Variants in CELSR3 observed in about 807,000 individuals in gnomAD.
The protein encoded by CELSR3 is cadherin EGF LAG seven-pass G-type receptor 3, also known as EGF-like protein 1.
A neutral mutation model predicts 270.0 loss-of-function variants in CELSR3; 73 were observed. The observed-to-expected ratio is 0.27, with a 90% CI of 0.22 to 0.33. The LOEUF is 0.33. Among genes scored for constraint, CELSR3 ranks in the 10% least tolerant of loss-of-function variants. The pLI is 1.00. For missense variants in CELSR3, 3,614 were observed against 4,533.8 expected (o/e 0.80, Z 5.83); for synonymous variants, 1,780 against 1,905.4 (o/e 0.93, Z 1.71).
At position 48,648,776 on chromosome 3, in the gene CELSR3, G is replaced by A. The variant is rs368552105; in HGVS notation, c.6720C>T (p.Phe2240=). 28 of 1,612,930 alleles carry A rather than the reference G, an allele frequency of 1.7e-5. No homozygotes were observed. Among genetic ancestry groups the A allele is most frequent in the Middle Eastern group, 1.7e-4 (1 of 6,052 alleles). The part of the protein sequence containing the change: ...TARLLAHLLA[F]ESHQQGFGLT... ...GCCCGAAGCCCTGCTGATGGCTCTC[G>A]AAGGCCAGCAGGTGGGCCAGCAGGC... Residue 2240 remains phenylalanine (F), a synonymous_variant, in exon 18 of 35, where the codon TTC becomes TTT. Transcript: ENST00000164024.
rs1320063556 is a variant in CELSR3, at chr3:48,661,886, C to A, written c.749G>T (p.Arg250Leu). ...GSGPELDSAP[R>L]TARTAPASGS... is the part of the protein sequence containing the mutation. Reference sequence around the variant, plus strand: ...TGATGCAGGAGCTGTCCTCGCCGTGCGTGGTGCTGAATCCAGCTCGGGGCC... The same window carrying A: ...TGATGCAGGAGCTGTCCTCGCCGTGAGTGGTGCTGAATCCAGCTCGGGGCC... The change falls in exon 1 of 35, where the codon CGC becomes CTC. Residue 250 changes from arginine (R) to leucine (L), a missense_variant. By Grantham distance (102) the Arg-to-Leu change is moderately radical. Transcript: ENST00000164024. The A allele has an allele frequency of 1.2e-6, 2 of 1,611,360 alleles. No homozygotes were observed. Among genetic ancestry groups the A allele is most frequent in the Admixed American group, 1.7e-5 (1 of 59,960 alleles).
chr3:48,650,845 C>T lies in CELSR3; in HGVS notation c.6370+47G>A. On this transcript the variant is annotated intron_variant, in intron 15 of 34. Coordinates refer to ENST00000164024, the MANE Select transcript of CELSR3 (RefSeq NM_001407.3). This position sits in a 1 kb window ranked among gnomAD's most constrained non-coding sequence, Gnocchi z 5.1. ...GTGCCACTGACACGTGATGGTGGCACACTGGAACCAGCCCTCTATGGGTGG... is the reference window on the plus strand; with the variant it reads ...GTGCCACTGACACGTGATGGTGGCATACTGGAACCAGCCCTCTATGGGTGG... 6.3e-7 allele frequency: 1 copy of T among 1,581,526 alleles called. No homozygotes were observed. The highest frequency in any genetic ancestry group is 8.6e-7 in the Non-Finnish European group (1 of 1,164,410).
Position 48,659,020 on chromosome 3 carries a change from G to T in CELSR3, c.3615C>A (p.His1205Gln), listed in dbSNP as rs200825075. The T allele has an allele frequency of 6.2e-7, 1 of 1,614,216 alleles. No homozygotes were observed. Among genetic ancestry groups the T allele is most frequent in the East Asian group, 2.2e-5 (1 of 44,884 alleles). Residue 1205 changes from histidine (H) to glutamine (Q), a missense_variant, in exon 1 of 35, where the codon CAC (histidine) becomes CAA (glutamine). Transcript: ENST00000164024. The surrounding 1 kb of genome is among the most constrained non-coding windows in gnomAD (Gnocchi z 8.1). Reference sequence around the variant, plus strand: ...TGCCACGCTCAAAGGAGTAGAAGAGGTGGTCGGAGACATCGGGGTCATAAG... The same window carrying T: ...TGCCACGCTCAAAGGAGTAGAAGAGTTGGTCGGAGACATCGGGGTCATAAG... The part of the protein sequence containing the change: ...IPAYDPDVSD[H>Q]LFYSFERGNE...
At position 48,640,341 on chromosome 3, in the gene CELSR3, G is replaced by A. The variant is rs760477755; in HGVS notation, c.9244C>T (p.Arg3082Cys). ...GCAGGGGCTTCCTCTAGTCGCTCAC[G>A]GCTCAGTTGCCGCCGGAGGAGCAGG... ...LDLLLRRQLSRERLEEAPAPV... is the reference protein window; with the variant it reads ...LDLLLRRQLSCERLEEAPAPV... The change falls in exon 34 of 35, where the codon CGT (arginine) becomes TGT (cysteine). Residue 3082 changes from arginine to cysteine, a missense_variant. Physicochemically the swap from Arg to Cys is radical, Grantham distance 180. Transcript: ENST00000164024. This position sits in a 1 kb window ranked among gnomAD's most constrained non-coding sequence, Gnocchi z 7.5. The A allele has an allele frequency of 2.4e-5, 39 of 1,612,484 alleles. No homozygotes were observed. The highest frequency in any genetic ancestry group is 3.3e-5 in the Non-Finnish European group (39 of 1,179,874).
chr3:48,645,854 C>A lies in CELSR3; in HGVS notation c.7478G>T (p.Gly2493Val), dbSNP rs1370553290. The A allele has an allele frequency of 3.7e-6, 6 of 1,602,046 alleles. No individual in the cohort carries two copies. The highest frequency in any genetic ancestry group is 5.1e-6 in the Non-Finnish European group (6 of 1,173,266). Residue 2493 changes from glycine (G) to valine (V), a missense_variant, in exon 23 of 35, where the codon GGT (glycine) becomes GTT (valine). Gly to Val is a moderately radical substitution (Grantham distance 109). Around this residue, in one of 7 missense-constraint regions of CELSR3, gnomAD observed 1,240 missense variants for 1,351.7 expected, o/e 0.92. Coordinates refer to ENST00000164024, the MANE Select transcript of CELSR3 (RefSeq NM_001407.3). The surrounding 1 kb of genome is among the most constrained non-coding windows in gnomAD (Gnocchi z 5.4). ...WDPPGLAEQH[G>V]VWTARDCELV... ...CTCGCAGTCCCGTGCTGTCCACACA[C>A]CATGCTGCTCCGCCCTGCAGCCACA... is the stretch of plus-strand genomic sequence containing the variant.
In CELSR3 at chr3:48,637,258, T is replaced by G. The variant is rs2046979502; in HGVS notation, c.*947A>C. ...AGGTGCCTAGGGCCACGGAGGATCC[T>G]GTAAACATAGGAGGCAGTGGCACCT... is the stretch of plus-strand genomic sequence containing the variant. On this transcript the variant is annotated 3_prime_UTR_variant, in exon 35 of 35. Coordinates refer to ENST00000164024, the MANE Select transcript of CELSR3 (RefSeq NM_001407.3). 6.6e-6 allele frequency: 1 copy of G among 152,584 alleles called. No individual in the cohort carries two copies. The highest frequency in any genetic ancestry group is 2.1e-4 in the South Asian group (1 of 4,832). The allele number at this position is 152,584 out of a possible 1,614,324, so 9.5% of individuals were successfully genotyped here.
In CELSR3 at chr3:48,660,726, C is replaced by G; in HGVS notation, c.1909G>C (p.Ala637Pro). ...RPPLSNNTGL[A>P]SIQVVDINDH... ...TTGATGTCCACCACCTGGATGCTGG[C>G]CAGGCCCGTGTTGTTGGACAGCGGT... The change falls in exon 1 of 35, where the codon GCC (alanine) becomes CCC (proline). Residue 637 changes from alanine (A) to proline (P), a missense_variant. Transcript: ENST00000164024. This position sits in a 1 kb window ranked among gnomAD's most constrained non-coding sequence, Gnocchi z 5.5. 6.2e-7 allele frequency: 1 copy of G among 1,614,086 alleles called. No homozygotes were observed. Among genetic ancestry groups the G allele is most frequent in the Non-Finnish European group, 8.5e-7 (1 of 1,180,046 alleles).
Position 48,648,435 on chromosome 3 carries a change from C to A in CELSR3, c.6804G>T (p.Leu2268=). 6.3e-7 allele frequency: 1 copy of A among 1,585,142 alleles called. No homozygotes were observed. The highest frequency in any genetic ancestry group is 8.6e-7 in the Non-Finnish European group (1 of 1,167,866). The stretch of plus-strand genomic sequence containing the variant: ...ACAAGTCCCCTGTCTCTGGGGCAAG[C>A]AGTGCAGAGCCGGCCCACAGCAGAT... ...NENLLWAGSA[L]LAPETGDLWA... The change falls in exon 19 of 35, where the codon CTG becomes CTT. Residue 2268 remains leucine (L), a synonymous_variant. Transcript: ENST00000164024.
chr3:48,662,149 G>A lies in CELSR3; in HGVS notation c.486C>T (p.Val162=). ...GGGGCGAGCTGTTCCCCGAGCCCGG[G>A]ACCCCTGAGGACAGAGCCCCTGGTG... is the stretch of plus-strand genomic sequence containing the variant. ...SLSPGALSSG[V]PGSGNSSPLP... is the part of the protein sequence containing the mutation. The change falls in exon 1 of 35, where the codon GTC becomes GTT. Residue 162 remains valine, a synonymous_variant. Coordinates refer to ENST00000164024, the MANE Select transcript of CELSR3 (RefSeq NM_001407.3). This position sits in a 1 kb window ranked among gnomAD's most constrained non-coding sequence, Gnocchi z 7.1. The A allele has an allele frequency of 1.2e-6, 2 of 1,612,460 alleles. No individual in the cohort carries two copies. Among genetic ancestry groups the A allele is most frequent in the Non-Finnish European group, 1.7e-6 (2 of 1,179,376 alleles).
chr3:48,659,645 T>C lies in CELSR3; in HGVS notation c.2990A>G (p.Gln997Arg), dbSNP rs1227653545. 6.2e-7 allele frequency: 1 copy of C among 1,614,238 alleles called. No individual in the cohort carries two copies. The highest frequency in any genetic ancestry group is 1.1e-5 in the South Asian group (1 of 91,088). The change falls in exon 1 of 35, where the codon CAG (glutamine) becomes CGG (arginine). Residue 997 changes from glutamine to arginine, a missense_variant. Around this residue, in one of 7 missense-constraint regions of CELSR3, gnomAD observed 1,331 missense variants for 1,933.7 expected, o/e 0.69. Coordinates refer to ENST00000164024, the MANE Select transcript of CELSR3 (RefSeq NM_001407.3). This position sits in a 1 kb window ranked among gnomAD's most constrained non-coding sequence, Gnocchi z 8.1. Reference protein sequence around the residue: ...DRDAHANGRVQYTFQNGEDGD... With the variant: ...DRDAHANGRVRYTFQNGEDGD... ...ATCTTCACCATTCTGGAAAGTGTAC[T>C]GGACCCGGCCATTGGCATGAGCATC...
At chr3:48,656,405 C>T in intron 2 of CELSR3, 40 bp from the exon 3 acceptor site, 4 of 1,384,904 alleles carry the variant, frequency 2.9e-6, no homozygotes, top group East Asian at 5.7e-5. Flanking sequence ...CACGCCCACG[C>T]CCGCCCCTGC....
chr3:48,653,117 T>C lies in CELSR3; in HGVS notation c.5519A>G (p.Gln1840Arg). The C allele has an allele frequency of 1.9e-6, 3 of 1,613,362 alleles. No homozygotes were observed. The South Asian group carries it at 3.3e-5, about 18-fold the overall frequency. ...CCACCGGCCATCACTGACAGTCACC[T>C]GGTCCAGAAGGAGATGGGAAGCACG... ...SGRASHLLLD[Q>R]VTVSDGRWHD... The change falls in exon 10 of 35, where the codon CAG becomes CGG. Residue 1840 changes from glutamine to arginine, a missense_variant. Transcript: ENST00000164024. The surrounding 1 kb of genome is among the most constrained non-coding windows in gnomAD (Gnocchi z 6.5).
Position 48,642,848 on chromosome 3 carries a change from C to T in CELSR3, c.8443G>A (p.Glu2815Lys). 1 of 1,613,218 alleles carries T rather than the reference C, an allele frequency of 6.2e-7. No homozygotes were observed. The highest frequency in any genetic ancestry group is 8.5e-7 in the Non-Finnish European group (1 of 1,179,934). ...GAYNNTALFE[E>K]SGLIRITLGA... ...AGAGTGATGCGGATGAGGCCACTCTCCTCAAAGAGAGCCGTGTTGTTGTAG... is the reference window on the plus strand; with the variant it reads ...AGAGTGATGCGGATGAGGCCACTCTTCTCAAAGAGAGCCGTGTTGTTGTAG... The change falls in exon 30 of 35, where the codon GAG becomes AAG. Residue 2815 changes from glutamate (E) to lysine (K), a missense_variant. Coordinates refer to ENST00000164024, the MANE Select transcript of CELSR3 (RefSeq NM_001407.3). The surrounding 1 kb of genome is among the most constrained non-coding windows in gnomAD (Gnocchi z 6.1).
chr3:48,640,554 G>A lies in CELSR3; in HGVS notation c.9031C>T (p.Leu3011=). 6.3e-7 allele frequency: 1 copy of A among 1,579,332 alleles called. No homozygotes were observed. The highest frequency in any genetic ancestry group is 1.3e-5 in the African/African-American group (1 of 74,170). The stretch of plus-strand genomic sequence containing the variant: ...AGTGGGTATTGCAACCGGTTCTTCA[G>A]GATGCCTGTGAGAGGAAGAAAATGG... The part of the protein sequence containing the change: ...GRAQRQRKGI[L]KNRLQYPLVP... The change falls in exon 34 of 35, where the codon CTG becomes TTG. Residue 3011 remains leucine, a synonymous_variant. Transcript: ENST00000164024. This position sits in a 1 kb window ranked among gnomAD's most constrained non-coding sequence, Gnocchi z 7.5.
chr3:48,653,311 T>C lies in CELSR3; in HGVS notation c.5449-124A>G. The C allele has an allele frequency of 2.3e-6, 2 of 880,800 alleles. No homozygotes were observed. Among genetic ancestry groups the C allele is most frequent in the Non-Finnish European group, 3.5e-6 (2 of 573,728 alleles). 54.6% of individuals were successfully genotyped at this position (880,800 alleles called of 1,614,324 possible). On this transcript the variant is annotated intron_variant, in intron 9 of 34. Transcript: ENST00000164024. This position sits in a 1 kb window ranked among gnomAD's most constrained non-coding sequence, Gnocchi z 6.5. ...AGAACAGTGGGGTCAAGGTTATACC[T>C]GGCACAAAGGGCACTGTGCCAGGGG... is the stretch of plus-strand genomic sequence containing the variant.
intron 2 of CELSR3, 76 bp from the exon 3 acceptor site, chr3:48,656,441 C>T (rs1006065147): frequency 1.5e-6 from 2 of 1,321,416 alleles, no homozygotes; most frequent in Non-Finnish European, 2.0e-6. Context: ...GACCGCGCGC[C>T]CAGAGGCCGG....
Position 48,641,541 on chromosome 3 carries a change from G to A in CELSR3, c.8825-17C>T. 6.3e-7 allele frequency: 1 copy of A among 1,591,744 alleles called. No homozygotes were observed. The highest frequency in any genetic ancestry group is 2.2e-5 in the East Asian group (1 of 44,716). Reference sequence around the variant, plus strand: ...CATCCACATCTGTGGAGCCAGGTCAGGTTACAGGAGCTTCTGGGTTGATCC... The same window carrying A: ...CATCCACATCTGTGGAGCCAGGTCAAGTTACAGGAGCTTCTGGGTTGATCC... On this transcript the variant is annotated splice_polypyrimidine_tract_variant and intron_variant, in intron 32 of 34. Coordinates refer to ENST00000164024, the MANE Select transcript of CELSR3 (RefSeq NM_001407.3). This position sits in a 1 kb window ranked among gnomAD's most constrained non-coding sequence, Gnocchi z 4.8.
rs375114768 is a variant in CELSR3 at position 48,653,567 on chromosome 3, C to T, written c.5448+52G>A. ...CCTGAACCCACAAGAATGTCAGTGG[C>T]GGCCTAAGAGACTGAGAACTGAGGG... On this transcript the variant is annotated intron_variant, in intron 9 of 34. Transcript: ENST00000164024. The surrounding 1 kb of genome is among the most constrained non-coding windows in gnomAD (Gnocchi z 6.5). The T allele has an allele frequency of 2.7e-5, 42 of 1,577,660 alleles. 1 individual carries two copies. Among genetic ancestry groups the T allele is most frequent in the Admixed American group, 8.6e-5 (5 of 57,910 alleles).
In CELSR3 at chr3:48,650,454, GATGTCCTTTCCCCCCACATACTCACCCA is replaced by G; in HGVS notation, c.6470_6472+25del. On this transcript the variant is annotated splice_donor_variant and splice_donor_5th_base_variant and coding_sequence_variant and intron_variant, in exon 16 of 35. Coordinates refer to ENST00000164024, the MANE Select transcript of CELSR3 (RefSeq NM_001407.3). LOFTEE classifies it high-confidence loss of function. This position sits in a 1 kb window ranked among gnomAD's most constrained non-coding sequence, Gnocchi z 5.1. ...GTACAGGCCCACCCCCACCCTCAGT[GATGTCCTTTCCCCCCACATACTCACCCA>G]GGGCCCCCCGGGGACAGGGCACTGT... is the stretch of plus-strand genomic sequence containing the variant. The G allele has an allele frequency of 7.1e-7, 1 of 1,401,806 alleles. No individual in the cohort carries two copies. Among genetic ancestry groups the G allele is most frequent in the Non-Finnish European group, 9.9e-7 (1 of 1,006,252 alleles). The allele number at this position is 1,401,806 out of a possible 1,614,324, so 86.8% of individuals were successfully genotyped here.
Sources: allele counts gnomAD v4.1 joint callset, GRCh38; gene constraint gnomAD v4.1.1; regional missense constraint gnomAD v4.1.1; non-coding constraint Gnocchi (gnomAD v3.1); transcripts MANE v1.5; gene names NCBI Gene and HGNC (gene_info 2026-07-23, HGNC 2026-07-21).